Variants in CPA4 observed in about 807,000 individuals in gnomAD.
CPA4 encodes carboxypeptidase A3.
CPA4 carries 49 observed loss-of-function variants against 54.7 expected under a neutral mutation model. The observed-to-expected ratio is 0.90, with a 90% CI of 0.71 to 1.14. CPA4 has a LOEUF of 1.14. Ranked by LOEUF, CPA4 falls within the 50% of genes most tolerant of loss-of-function variation. The pLI, the probability that CPA4 is intolerant of heterozygous loss-of-function variation, is 0.00. For synonymous variants in CPA4, 215 were observed against 206.8 expected, an observed-to-expected ratio of 1.04 and a Z score of -0.34; for missense variants, 487 against 525.1, an observed-to-expected ratio of 0.93 and a Z score of 0.71.
rs1172971299 is a variant in CPA4, at chr7:130,310,147, G to A, written c.794-640G>A. On this transcript the variant is annotated intron_variant, in intron 8 of 10. Transcript: ENST00000222482. The surrounding 1 kb of genome is among the most constrained non-coding windows in gnomAD (Gnocchi z 4.3). The stretch of plus-strand genomic sequence containing the variant: ...CATTGGGGGAAAATAATGACTGTGG[G>A]AAAGGAACTGATACAAATGTGGGAA... 2.0e-5 allele frequency among the ~76,000 whole-genome samples: 3 copies of A among 152,194 alleles called. No homozygotes were observed. Among genetic ancestry groups the A allele is most frequent in the African/African-American group, 7.2e-5 (3 of 41,444 alleles).
chr7:130,322,757 C>A lies in CPA4; in HGVS notation c.*81C>A, dbSNP rs1794137131. ...CCATTGTTAAAGGAGCTCTTTCCTA[C>A]CTGTGTGAGTCAGAGCCCTCTGGGT... On this transcript the variant is annotated 3_prime_UTR_variant, in exon 11 of 11. Transcript: ENST00000222482. 1 of 1,411,506 alleles carries A rather than the reference C, an allele frequency of 7.1e-7. No homozygotes were observed. Among genetic ancestry groups the A allele is most frequent in the Non-Finnish European group, 9.7e-7 (1 of 1,033,792 alleles). The allele number at this position is 1,411,506 out of a possible 1,614,324, so 87.4% of individuals were successfully genotyped here.
Position 130,310,648 on chromosome 7 carries a change from C to T in CPA4, c.794-139C>T. The stretch of plus-strand genomic sequence containing the variant: ...ATGCCTTCTCTGCAGTCCACACCCA[C>T]CATGGACTAGGTGCTCTGGGCCGTC... On this transcript the variant is annotated intron_variant, in intron 8 of 10. Coordinates refer to ENST00000222482, the MANE Select transcript of CPA4 (RefSeq NM_016352.4). The surrounding 1 kb of genome is among the most constrained non-coding windows in gnomAD (Gnocchi z 4.3). 1.4e-6 allele frequency: 1 copy of T among 711,956 alleles called. No individual in the cohort carries two copies. 44.1% of individuals were successfully genotyped at this position (711,956 alleles called of 1,614,324 possible).
At chr7:130,305,153 C>T (rs1036812658) in intron 5 of CPA4, among the ~76,000 whole-genome samples, 1 of 152,162 alleles carries the variant, frequency 6.6e-6, no homozygotes, top group African/African-American at 2.4e-5. Context: ...CATGGAACAC[C>T]AATGGTGCTA....
chr7:130,308,106 T>C (rs1793852818), intron 7 of CPA4: 1 of 595,128 alleles, frequency 1.7e-6, no homozygotes, highest in East Asian at 2.8e-5. Context: ...TTGGAAGAAG[T>C]CCTTCTCTTA....
rs1446148810 is a variant in CPA4, at chr7:130,324,169, A to T, written c.*1493A>T. ...GTGCTTATAAGCCAATAAATATTCAATGTGAGTTTCATGATCATCTCCTAT... is the reference window on the plus strand; with the variant it reads ...GTGCTTATAAGCCAATAAATATTCATTGTGAGTTTCATGATCATCTCCTAT... On this transcript the variant is annotated 3_prime_UTR_variant, in exon 11 of 11. Coordinates refer to ENST00000222482, the MANE Select transcript of CPA4 (RefSeq NM_016352.4). 1.3e-5 allele frequency: 2 copies of T among 152,608 alleles called. No homozygotes were observed. The highest frequency in any genetic ancestry group is 4.8e-5 in the African/African-American group (2 of 41,430). 9.5% of individuals were successfully genotyped at this position (152,608 alleles called of 1,614,324 possible).
At chr7:130,293,890 C>CGT (rs901651195) in intron 1 of CPA4, among the ~76,000 whole-genome samples, 6 of 151,746 alleles carry the variant, frequency 4.0e-5, no homozygotes, top group Non-Finnish European at 7.4e-5. Flanking sequence ...TGTGTGTGCG[C>CGT]GTGTGTGTGT....
intron 5 of CPA4, 118 bp from the exon 6 acceptor site, chr7:130,305,698 A>G (rs1452315853): frequency 2.5e-6 from 2 of 792,836 alleles, no homozygotes; most frequent in African/African-American, 3.4e-5. Context: ...GCCCTTAGGA[A>G]CATTTGATCT....
Position 130,293,685 on chromosome 7 carries a change from C to T in CPA4, c.68+437C>T, listed in dbSNP as rs543886901. 4.3e-3 allele frequency among the ~76,000 whole-genome samples: 654 copies of T among 152,268 alleles called. 2 individuals carry two copies. The highest frequency in any genetic ancestry group is 7.0e-3 in the Non-Finnish European group (479 of 68,030). ...CCCTGGGTCTCAAGCTTGTTGGTTTCACTTCTTTGTTAATGGCGAAGGCTT... is the reference window on the plus strand; with the variant it reads ...CCCTGGGTCTCAAGCTTGTTGGTTTTACTTCTTTGTTAATGGCGAAGGCTT... On this transcript the variant is annotated intron_variant, in intron 1 of 10. Coordinates refer to ENST00000222482, the MANE Select transcript of CPA4 (RefSeq NM_016352.4).
intron 9 of CPA4, among the ~76,000 whole-genome samples, chr7:130,311,542 C>G (rs1281296886): frequency 6.6e-6 from 1 of 151,656 alleles, no homozygotes; most frequent in Non-Finnish European, 1.5e-5. Flanking sequence ...CACCCGGCCT[C>G]TCAGGCAGGC....
Position 130,310,413 on chromosome 7 carries a change from C to T in CPA4, c.794-374C>T, listed in dbSNP as rs778028055. Among the ~76,000 whole-genome samples the T allele has an allele frequency of 1.3e-5, 2 of 152,164 alleles. No homozygotes were observed. The highest frequency in any genetic ancestry group is 2.9e-5 in the Non-Finnish European group (2 of 68,024). ...GCACACTTGGCCTTTAAGATCTCAACCAGAGAATAAGTTGACACCAGAATA... is the reference window on the plus strand; with the variant it reads ...GCACACTTGGCCTTTAAGATCTCAATCAGAGAATAAGTTGACACCAGAATA... On this transcript the variant is annotated intron_variant, in intron 8 of 10. Coordinates refer to ENST00000222482, the MANE Select transcript of CPA4 (RefSeq NM_016352.4). This position sits in a 1 kb window ranked among gnomAD's most constrained non-coding sequence, Gnocchi z 4.3.
chr7:130,298,866 C>G (rs1793695412), intron 2 of CPA4, 39 bp downstream of exon 2: 1 of 1,214,284 alleles, frequency 8.2e-7, no homozygotes. Flanking sequence ...TGTTTTCTAA[C>G]TTTGCTGGGA....
chr7:130,308,129 G>A, intron 7 of CPA4, 178 bp from the exon 8 acceptor site: 1 of 618,796 alleles, frequency 1.6e-6, no homozygotes. Flanking sequence ...GCCGGAAGGG[G>A]AAATACTCCT....
intron 3 of CPA4, 54 bp from the exon 4 acceptor site, chr7:130,300,762 A>T: frequency 7.7e-7 from 1 of 1,296,682 alleles, no homozygotes; most frequent in Non-Finnish European, 1.1e-6. Flanking sequence ...GGCAGAAAAA[A>T]CATAAACCTG....
At chr7:130,296,711 G>T in intron 1 of CPA4, among the ~76,000 whole-genome samples, 1 of 60,322 alleles carries the variant, frequency 1.7e-5, no homozygotes, top group Non-Finnish European at 3.6e-5. Context: ...TTTTGAGACA[G>T]GGTCTTGTTC....
intron 7 of CPA4, among the ~76,000 whole-genome samples, chr7:130,307,877 C>T (rs1054220416): frequency 8.5e-5 from 13 of 152,124 alleles, no homozygotes; most frequent in African/African-American, 3.1e-4. Context: ...TCCTTTATCC[C>T]CTGTATTTCC....
At chr7:130,314,312 T>G (rs1252973753) in intron 10 of CPA4, among the ~76,000 whole-genome samples, 1 of 152,186 alleles carries the variant, frequency 6.6e-6, no homozygotes, top group Admixed American at 6.5e-5. Flanking sequence ...GGCCCTTTAA[T>G]GGGAGGGCCT....
At chr7:130,316,628 G>A (rs1793990663) in intron 10 of CPA4, among the ~76,000 whole-genome samples, 1 of 152,126 alleles carries the variant, frequency 6.6e-6, no homozygotes, top group African/African-American at 2.4e-5. Context: ...GAGCATGAGT[G>A]TTGGTTGGGG....
chr7:130,308,740 A>T (rs1364140401), intron 8 of CPA4, among the ~76,000 whole-genome samples: 5 of 132,748 alleles, frequency 3.8e-5, no homozygotes, highest in Admixed American at 2.1e-4. Context: ...TTCAGTAGAG[A>T]TGGGGTTTCA....
In CPA4 at chr7:130,298,776, T is replaced by C; in HGVS notation, c.99T>C (p.Asn33=). ...AAGTTTTGAGGATTAATGTCAGAAA[T>C]GGAGACGAGATCAGCAAATTGAGTC... ...GDQVLRINVR[N]GDEISKLSQL... Residue 33 remains asparagine, a synonymous_variant, in exon 2 of 11, where the codon AAT becomes AAC. Coordinates refer to ENST00000222482, the MANE Select transcript of CPA4 (RefSeq NM_016352.4). 1 of 1,612,394 alleles carries C rather than the reference T, an allele frequency of 6.2e-7. No individual in the cohort carries two copies.
Sources: allele counts gnomAD v4.1 joint callset (sites outside exome capture counted in the v4.1 genomes callset), GRCh38; gene constraint gnomAD v4.1.1; non-coding constraint Gnocchi (gnomAD v3.1); transcripts MANE v1.5; gene names NCBI Gene and HGNC (gene_info 2026-07-23, HGNC 2026-07-21).